The following DDX59 variants were observed in gnomAD, a reference collection of about 807,000 sequenced individuals.
DDX59 encodes DEAD-box helicase 59, also known as probable ATP-dependent RNA helicase DDX59.
In DDX59, 30 loss-of-function variants were observed where a neutral mutation model predicts 51.9. The ratio of observed to expected loss-of-function variants is 0.58; its 90% CI spans 0.43 to 0.78. DDX59 has a LOEUF of 0.78. Ranked by LOEUF, DDX59 falls within the 30% of genes least tolerant of loss-of-function variation. The pLI, the probability that DDX59 is intolerant of heterozygous loss-of-function variation, is 0.00. For missense variants in DDX59, 672 were observed against 730.8 expected (o/e 0.92, Z 0.93); for synonymous variants, 255 against 253.3 (o/e 1.01, Z -0.06).
chr1:200,655,331 G>C (rs140320344), intron 4 of DDX59, among the ~76,000 whole-genome samples: 2 of 151,920 alleles, frequency 1.3e-5, no homozygotes, highest in African/African-American at 4.8e-5. Context: ...TCTCAGATTT[G>C]GCCTGTGACT....
chr1:200,660,814 C>G (rs373293102), intron 3 of DDX59, among the ~76,000 whole-genome samples: 1 of 152,132 alleles, frequency 6.6e-6, no homozygotes, highest in Non-Finnish European at 1.5e-5. Context: ...CAACCAAACA[C>G]GGACCAACAA....
At chr1:200,641,303 G>T, downstream of DDX59, 1 of 1,053,120 alleles carries the variant, frequency 9.5e-7, no homozygotes, top group Non-Finnish European at 1.3e-6. Context: ...ATGACAGGTC[G>T]TGGATCCAGC....
At chr1:200,641,440 G>A (rs1661046131), downstream of DDX59, among the ~76,000 whole-genome samples, 1 of 151,944 alleles carries the variant, frequency 6.6e-6, no homozygotes. Flanking sequence ...TGAATAAAAA[G>A]GTGATTTAAA....
chr1:200,645,827 G>A lies in DDX59; in HGVS notation c.1597-1310C>T, dbSNP rs1458972761. Reference sequence around the variant, plus strand: ...CACTGTAAAAGAAACTTCTAAAAAAGTTAAGAAGGGAAGCCTCTAGGGAAT... The same window carrying A: ...CACTGTAAAAGAAACTTCTAAAAAAATTAAGAAGGGAAGCCTCTAGGGAAT... On this transcript the variant is annotated intron_variant, in intron 7 of 7. Coordinates refer to ENST00000331314, the MANE Select transcript of DDX59 (RefSeq NM_001031725.6). Among the ~76,000 whole-genome samples, 4 of 152,132 alleles carry A rather than the reference G, an allele frequency of 2.6e-5. No homozygotes were observed. The East Asian group carries it at 7.7e-4, about 29-fold the overall frequency.
intron 1 of DDX59, among the ~76,000 whole-genome samples, chr1:200,669,008 C>T (rs561100135): frequency 1.3e-5 from 2 of 152,296 alleles, no homozygotes; most frequent in South Asian, 4.1e-4. Flanking sequence ...AGCTGTACCC[C>T]AATTTCCTTG....
chr1:200,665,936 C>G lies in DDX59; in HGVS notation c.804+1G>C. Reference sequence around the variant, plus strand: ...ATGTGAACTCTATTATTAACACTTACCTCGAATAAAGCTCGCATGATAACA... The same window carrying G: ...ATGTGAACTCTATTATTAACACTTAGCTCGAATAAAGCTCGCATGATAACA... On this transcript the variant is annotated splice_donor_variant, in intron 2 of 7. Transcript: ENST00000331314. LOFTEE classifies it high-confidence loss of function. 1.3e-6 allele frequency: 2 copies of G among 1,597,186 alleles called. No individual in the cohort carries two copies. The highest frequency in any genetic ancestry group is 1.7e-6 in the Non-Finnish European group (2 of 1,172,074).
chr1:200,643,126 TTGAGACC>T (rs1661096257), downstream of DDX59, among the ~76,000 whole-genome samples: 1 of 151,236 alleles, frequency 6.6e-6, no homozygotes, highest in African/African-American at 2.4e-5. Flanking sequence ...GGCCAGGAGT[TTGAGACC>T]AGCCTGAGCA....
intron 3 of DDX59, among the ~76,000 whole-genome samples, chr1:200,662,650 C>T (rs1389019733): frequency 6.6e-6 from 1 of 152,126 alleles, no homozygotes; most frequent in Non-Finnish European, 1.5e-5. Context: ...GAGACTAACA[C>T]CAATACATTA....
In DDX59 at chr1:200,659,123, A is replaced by G. The variant is rs1292894009; in HGVS notation, c.973-7T>C. On this transcript the variant is annotated splice_region_variant and splice_polypyrimidine_tract_variant and intron_variant, in intron 3 of 7. Coordinates refer to ENST00000331314, the MANE Select transcript of DDX59 (RefSeq NM_001031725.6). Reference sequence around the variant, plus strand: ...CAGGGGTTGCTATGATAACCTAAATAAAAGAGAAAAAGCAAATTAAAAAAA... The same window carrying G: ...CAGGGGTTGCTATGATAACCTAAATGAAAGAGAAAAAGCAAATTAAAAAAA... 6.2e-7 allele frequency: 1 copy of G among 1,600,212 alleles called. No individual in the cohort carries two copies. Among genetic ancestry groups the G allele is most frequent in the South Asian group, 1.1e-5 (1 of 89,166 alleles).
In DDX59 at chr1:200,647,899, G is replaced by T. The variant is rs537802517; in HGVS notation, c.1596+540C>A. Among the ~76,000 whole-genome samples, 3 of 151,574 alleles carry T rather than the reference G, an allele frequency of 2.0e-5. No individual in the cohort carries two copies. The South Asian group carries it at 6.2e-4, about 32-fold the overall frequency. On this transcript the variant is annotated intron_variant, in intron 7 of 7. Coordinates refer to ENST00000331314, the MANE Select transcript of DDX59 (RefSeq NM_001031725.6). ...TGAGGCACAAGGATCCCTTGAACCT[G>T]GGAGGCGCAGGTTGCAGTGAGCCGA... is the stretch of plus-strand genomic sequence containing the variant.
At chr1:200,654,279 G>A (rs1449268358) in intron 4 of DDX59, among the ~76,000 whole-genome samples, 1 of 152,108 alleles carries the variant, frequency 6.6e-6, no homozygotes, top group East Asian at 1.9e-4. Context: ...CAGGCATGGT[G>A]GTGGGCGCCT....
At chr1:200,657,095 C>T (rs559717074) in intron 4 of DDX59, among the ~76,000 whole-genome samples, 43 of 151,924 alleles carry the variant, frequency 2.8e-4, no homozygotes, top group Admixed American at 8.5e-4. Context: ...ACTAAAAATA[C>T]AAAAATTAGC....
chr1:200,660,176 C>G (rs1038598755), intron 3 of DDX59, among the ~76,000 whole-genome samples: 1 of 152,152 alleles, frequency 6.6e-6, no homozygotes, highest in Non-Finnish European at 1.5e-5. Flanking sequence ...TCCTTGGCCA[C>G]CATTATTTCT....
intron 5 of DDX59, 70 bp downstream of exon 5, chr1:200,650,355 T>G: frequency 1.4e-6 from 2 of 1,456,510 alleles, no homozygotes; most frequent in South Asian, 2.9e-5. Context: ...AATCTCAAAA[T>G]CATTCTCTTA....
Position 200,666,216 on chromosome 1 carries a change from C to T in DDX59, c.525G>A (p.Leu175=). The change falls in exon 2 of 8, where the codon TTG becomes TTA. Residue 175 remains leucine, a synonymous_variant. Transcript: ENST00000331314. ...TTTCAATCTGGTCTTCCTGAAGGTT[C>T]AAAATAAAGGGGTGCTCTTTGTAGA... is the stretch of plus-strand genomic sequence containing the variant. ...SYVYKEHPFI[L]NLQEDQIENL... is the part of the protein sequence containing the mutation. 1 of 1,614,202 alleles carries T rather than the reference C, an allele frequency of 6.2e-7. No homozygotes were observed. Among genetic ancestry groups the T allele is most frequent in the Non-Finnish European group, 8.5e-7 (1 of 1,180,032 alleles).
At chr1:200,646,300 C>T (rs755273805) in intron 7 of DDX59, among the ~76,000 whole-genome samples, 3 of 152,026 alleles carry the variant, frequency 2.0e-5, no homozygotes, top group Non-Finnish European at 4.4e-5. Context: ...TGCCACTGTA[C>T]TCCAGCCCGG....
intron 4 of DDX59, among the ~76,000 whole-genome samples, chr1:200,658,316 A>G (rs1189039944): frequency 1.3e-5 from 2 of 152,220 alleles, no homozygotes; most frequent in African/African-American, 2.4e-5. Flanking sequence ...TAAGTAGGCC[A>G]AAAGTATAAA....
Position 200,650,646 on chromosome 1 carries a change from G to T in DDX59, c.1093C>A (p.Gln365Lys). 6.2e-7 allele frequency: 1 copy of T among 1,612,720 alleles called. No individual in the cohort carries two copies. Reference protein sequence around the residue: ...ADTMLKMGFQQQVLDILENIP... With the variant: ...ADTMLKMGFQKQVLDILENIP... The stretch of plus-strand genomic sequence containing the variant: ...TTTTCCAAAATGTCAAGCACTTGTT[G>T]TTGAAAACCCATCTTTAACATGGTA... Residue 365 changes from glutamine to lysine, a missense_variant, in exon 5 of 8, where the codon CAA (glutamine) becomes AAA (lysine). Transcript: ENST00000331314.
chr1:200,657,249 CAAAAAAAAAAAAAA>C (rs147751957), intron 4 of DDX59, among the ~76,000 whole-genome samples: 3 of 77,668 alleles, frequency 3.9e-5, no homozygotes, highest in Non-Finnish European at 8.0e-5. Context: ...AAACTGTCTA[CAAAAAAAAAAAAAA>C]AAAAAAAAAA....
Sources: allele counts gnomAD v4.1 joint callset (sites outside exome capture counted in the v4.1 genomes callset), GRCh38; gene constraint gnomAD v4.1.1; transcripts MANE v1.5; gene names NCBI Gene and HGNC (gene_info 2026-07-23, HGNC 2026-07-21).